The following ANKRD12 variants were observed in gnomAD, a reference collection of about 807,000 sequenced individuals.
ANKRD12 encodes the protein ankyrin repeat domain-containing protein 12.
ANKRD12 carries 85 observed loss-of-function variants against 183.4 expected under a neutral mutation model. That is an observed-to-expected ratio of 0.46 (90% CI 0.39 to 0.56). ANKRD12 has a LOEUF of 0.56. ANKRD12 is among the 20% of genes least tolerant of loss of function. ANKRD12 has a pLI of 0.00. For missense variants in ANKRD12, 2,405 were observed against 2,357.1 expected (o/e 1.02, Z -0.42); for synonymous variants, 914 against 800.2 (o/e 1.14, Z -2.40).
In ANKRD12 at chr18:9,258,490, T is replaced by C; in HGVS notation, c.5223T>C (p.Asn1741=). The C allele has an allele frequency of 1.2e-6, 2 of 1,613,558 alleles. No homozygotes were observed. The highest frequency in any genetic ancestry group is 1.3e-5 in the African/African-American group (1 of 74,936). ...AAAGAATGACTAGAAACAAAGCAAATACAATGGCAAATCAAAGCAAACAGA... is the reference window on the plus strand; with the variant it reads ...AAAGAATGACTAGAAACAAAGCAAACACAATGGCAAATCAAAGCAAACAGA... ...IPQRMTRNKA[N]TMANQSKQIL... Residue 1741 remains asparagine, a synonymous_variant, in exon 9 of 13, where the codon AAT becomes AAC. Transcript: ENST00000262126.
At chr18:9,271,485 C>T (rs1325772849) in intron 10 of ANKRD12, among the ~76,000 whole-genome samples, 2 of 152,068 alleles carry the variant, frequency 1.3e-5, no homozygotes, top group Non-Finnish European at 2.9e-5. Context: ...TGCCACTGTA[C>T]TCCAGCCTGG....
At chr18:9,210,694 C>T (rs1162551819) in intron 5 of ANKRD12, among the ~76,000 whole-genome samples, 2 of 119,836 alleles carry the variant, frequency 1.7e-5, no homozygotes, top group African/African-American at 6.3e-5. Flanking sequence ...CTACCACGCT[C>T]CAGCCTGGGC....
chr18:9,145,151 C>T (rs1037723581), intron 1 of ANKRD12, among the ~76,000 whole-genome samples: 6 of 152,120 alleles, frequency 3.9e-5, no homozygotes, highest in African/African-American at 1.4e-4. Flanking sequence ...GGTATGGGTT[C>T]TTGCTCTGTT....
intron 2 of ANKRD12, among the ~76,000 whole-genome samples, chr18:9,182,770 A>G (rs2033790162): frequency 6.6e-6 from 1 of 152,110 alleles, no homozygotes; most frequent in Non-Finnish European, 1.5e-5. Flanking sequence ...GAGAGAGGGA[A>G]AAATTTTTAT....
In ANKRD12 at chr18:9,256,839, G is replaced by T. The variant is rs1299148526; in HGVS notation, c.3572G>T (p.Arg1191Ile). ...GATAATAGCTTAAACAGGTCTCCTA[G>T]ATCAGAAAATGAAAAGCCGGGTCTC... ...VSDNSLNRSPRSENEKPGLSS... is the reference protein window; with the variant it reads ...VSDNSLNRSPISENEKPGLSS... The change falls in exon 9 of 13, where the codon AGA becomes ATA. Residue 1191 changes from arginine to isoleucine, a missense_variant. By Grantham distance (97) the Arg-to-Ile change is moderately conservative. Around this residue, in one of 7 missense-constraint regions of ANKRD12, gnomAD observed 1,983 missense variants for 1,725.9 expected, o/e 1.15. Coordinates refer to ENST00000262126, the MANE Select transcript of ANKRD12 (RefSeq NM_015208.5). 1 of 1,613,824 alleles carries T rather than the reference G, an allele frequency of 6.2e-7. No individual in the cohort carries two copies. Among genetic ancestry groups the T allele is most frequent in the African/African-American group, 1.3e-5 (1 of 74,900 alleles).
rs147793809 is a variant in ANKRD12 at position 9,208,008 on chromosome 18, C to A, written c.305-649C>A. Reference sequence around the variant, plus strand: ...AAGCTAACTTGATGATGGGTCAGATCTCTTTGAAAAGGTCCTTGAAAATTT... The same window carrying A: ...AAGCTAACTTGATGATGGGTCAGATATCTTTGAAAAGGTCCTTGAAAATTT... On this transcript the variant is annotated intron_variant, in intron 4 of 12. Transcript: ENST00000262126. 1.1e-3 allele frequency among the ~76,000 whole-genome samples: 171 copies of A among 152,302 alleles called. 2 individuals are homozygous for A. The highest frequency in any genetic ancestry group is 3.9e-3 in the African/African-American group (163 of 41,588).
At chr18:9,187,004 G>A (rs1005352846) in intron 2 of ANKRD12, among the ~76,000 whole-genome samples, 35 of 151,958 alleles carry the variant, frequency 2.3e-4, no homozygotes, top group Non-Finnish European at 2.5e-4. Context: ...CTCGTGATCC[G>A]CCCACCTCAG....
intron 8 of ANKRD12, among the ~76,000 whole-genome samples, chr18:9,247,826 G>T (rs1460437161): frequency 6.6e-6 from 1 of 150,456 alleles, no homozygotes; most frequent in Non-Finnish European, 1.5e-5. Flanking sequence ...TCTTGAGATG[G>T]AGTTTCATTC....
At chr18:9,272,494 G>A (rs181933844) in intron 10 of ANKRD12, among the ~76,000 whole-genome samples, 10 of 152,118 alleles carry the variant, frequency 6.6e-5, no homozygotes, top group Admixed American at 1.3e-4. Flanking sequence ...CCCGGGAGGC[G>A]GAGGTTGCAG....
At chr18:9,194,784 G>T (rs2034673637) in intron 2 of ANKRD12, among the ~76,000 whole-genome samples, 1 of 152,048 alleles carries the variant, frequency 6.6e-6, no homozygotes. Flanking sequence ...TTTTACTGTT[G>T]TTTTAAAATT....
intron 10 of ANKRD12, among the ~76,000 whole-genome samples, chr18:9,270,816 A>T (rs534812680): frequency 6.6e-6 from 1 of 152,324 alleles, no homozygotes; most frequent in African/African-American, 2.4e-5. Context: ...GAACTTTAAT[A>T]AAAAAATGAT....
chr18:9,232,974 C>G lies in ANKRD12; in HGVS notation c.943+10975C>G, dbSNP rs147930487. 6.3e-3 allele frequency among the ~76,000 whole-genome samples: 963 copies of G among 152,004 alleles called. 6 individuals carry two copies. Among genetic ancestry groups the G allele is most frequent in the Non-Finnish European group, 9.7e-3 (658 of 67,964 alleles). On this transcript the variant is annotated intron_variant, in intron 8 of 12. Coordinates refer to ENST00000262126, the MANE Select transcript of ANKRD12 (RefSeq NM_015208.5). The stretch of plus-strand genomic sequence containing the variant: ...AGGCAATTCTTGTGCCTCAGCCTCC[C>G]GAGTAGCTGGGATTACTGGTGTGCA...
intron 1 of ANKRD12, among the ~76,000 whole-genome samples, chr18:9,179,149 G>A (rs1415114541): frequency 2.0e-5 from 3 of 152,100 alleles, no homozygotes; most frequent in African/African-American, 7.2e-5. Context: ...CTATACACAT[G>A]TATTAGTTCT....
chr18:9,252,700 C>T (rs1007844732), intron 8 of ANKRD12, among the ~76,000 whole-genome samples: 2 of 152,140 alleles, frequency 1.3e-5, no homozygotes, highest in South Asian at 2.1e-4. Context: ...TACAGTGGCT[C>T]GTGCCTGTAT....
Position 9,256,808 on chromosome 18 carries a change from G to T in ANKRD12, c.3541G>T (p.Val1181Phe). The T allele has an allele frequency of 6.2e-7, 1 of 1,613,996 alleles. No individual in the cohort carries two copies. The highest frequency in any genetic ancestry group is 8.5e-7 in the Non-Finnish European group (1 of 1,179,956). Residue 1181 changes from valine to phenylalanine, a missense_variant, in exon 9 of 13, where the codon GTT becomes TTT. Around this residue, in one of 7 missense-constraint regions of ANKRD12, gnomAD observed 1,983 missense variants for 1,725.9 expected, o/e 1.15. Coordinates refer to ENST00000262126, the MANE Select transcript of ANKRD12 (RefSeq NM_015208.5). ...NVMTLGKSSFVSDNSLNRSPR... is the reference protein window; with the variant it reads ...NVMTLGKSSFFSDNSLNRSPR... ...AATGACTTTAGGGAAGTCATCTTTT[G>T]TTTCAGATAATAGCTTAAACAGGTC...
rs188710378 is a variant in ANKRD12 at position 9,163,148 on chromosome 18, T to C, written c.-51-19234T>C. ...GTGTCTGGAATGGTATTGCCTAGATTTTCTTCTAGGATTTTTATAGTTTTG... is the reference window on the plus strand; with the variant it reads ...GTGTCTGGAATGGTATTGCCTAGATCTTCTTCTAGGATTTTTATAGTTTTG... On this transcript the variant is annotated intron_variant, in intron 1 of 12. Coordinates refer to ENST00000262126, the MANE Select transcript of ANKRD12 (RefSeq NM_015208.5). 2.1e-3 allele frequency among the ~76,000 whole-genome samples: 316 copies of C among 152,286 alleles called. 2 individuals are homozygous for C. The highest frequency in any genetic ancestry group is 4.2e-3 in the East Asian group (22 of 5,192).
Position 9,255,157 on chromosome 18 carries a change from T to C in ANKRD12, c.1890T>C (p.Ser630=), listed in dbSNP as rs759920698. 3 of 1,585,084 alleles carry C rather than the reference T, an allele frequency of 1.9e-6. No individual in the cohort carries two copies. In the East Asian group the frequency reaches 6.8e-5, roughly 36 times the overall value. ...CCAAAATAAAGGATGAAGATCATAG[T>C]CCAACATTTGAAAATTCAGATTGCA... ...SNAKIKDEDH[S]PTFENSDCTL... Residue 630 remains serine (S), a synonymous_variant, in exon 9 of 13, where the codon AGT becomes AGC. Transcript: ENST00000262126.
chr18:9,197,228 T>C (rs1232676358), intron 3 of ANKRD12, among the ~76,000 whole-genome samples: 1 of 152,236 alleles, frequency 6.6e-6, no homozygotes, highest in Non-Finnish European at 1.5e-5. Flanking sequence ...AGGCATTGAA[T>C]AAATGTAACC....
At chr18:9,186,546 T>C (rs1459337135) in intron 2 of ANKRD12, among the ~76,000 whole-genome samples, 1 of 152,122 alleles carries the variant, frequency 6.6e-6, no homozygotes, top group Admixed American at 6.5e-5. Flanking sequence ...AAGCTGTTGT[T>C]AGAAGTATTT....
Sources: gnomAD v4.1 joint callset for allele counts (sites outside exome capture counted in the v4.1 genomes callset) on GRCh38, gnomAD v4.1.1 for gene constraint, gnomAD v4.1.1 regional missense constraint, MANE v1.5 for transcripts, NCBI Gene and HGNC (gene_info 2026-07-23, HGNC 2026-07-21) for gene names.